LRRTM4: variants seen among roughly 807,000 people sequenced by gnomAD.
The protein encoded by LRRTM4 is leucine-rich repeat transmembrane neuronal protein 4.
LRRTM4 carries 25 observed loss-of-function variants against 47.6 expected under a neutral mutation model. That is an observed-to-expected ratio of 0.53 (90% CI 0.38 to 0.73). LRRTM4 has a LOEUF of 0.73. LRRTM4 is among the 30% of genes least tolerant of loss of function. The pLI is 0.00. For synonymous variants in LRRTM4, 311 were observed against 269.5 expected (o/e 1.15, Z -1.51); for missense variants, 638 against 713.4 (o/e 0.89, Z 1.20).
chr2:76,873,639 C>T (rs889861189), intron 3 of LRRTM4, among the ~76,000 whole-genome samples: 2 of 150,666 alleles, frequency 1.3e-5, no homozygotes, highest in African/African-American at 4.9e-5. Flanking sequence ...TACTTTGCCC[C>T]ATCTTTAAAT....
chr2:76,988,136 T>C (rs1186902424), intron 3 of LRRTM4, among the ~76,000 whole-genome samples: 5 of 151,852 alleles, frequency 3.3e-5, no homozygotes, highest in Non-Finnish European at 7.4e-5. Flanking sequence ...TAATCATTAC[T>C]ATGGGTTTTC....
intron 3 of LRRTM4, among the ~76,000 whole-genome samples, chr2:77,132,568 G>C (rs1389865706): frequency 1.3e-5 from 2 of 152,188 alleles, no homozygotes; most frequent in Non-Finnish European, 2.9e-5. Context: ...GTTTGGTGAG[G>C]ACCCAGTCTC....
intron 3 of LRRTM4, among the ~76,000 whole-genome samples, chr2:77,344,004 A>G (rs527661792): frequency 6.6e-6 from 1 of 152,016 alleles, no homozygotes; most frequent in South Asian, 2.1e-4. Flanking sequence ...GGCTTTAAAG[A>G]GAATAAAAGA....
intron 3 of LRRTM4, among the ~76,000 whole-genome samples, chr2:77,504,703 CAAG>C (rs1678701962): frequency 6.6e-6 from 1 of 151,508 alleles, no homozygotes; most frequent in South Asian, 2.1e-4. Flanking sequence ...AATACAGACT[CAAG>C]GAGCTGACAT....
intron 3 of LRRTM4, among the ~76,000 whole-genome samples, chr2:77,294,166 AT>A (rs1676906567): frequency 6.6e-6 from 1 of 151,858 alleles, no homozygotes; most frequent in South Asian, 2.1e-4. Context: ...TGTTTTTTGG[AT>A]TTTTATTAAA....
intron 3 of LRRTM4, among the ~76,000 whole-genome samples, chr2:77,437,339 G>T (rs1675643068): frequency 6.6e-6 from 1 of 152,028 alleles, no homozygotes; most frequent in African/African-American, 2.4e-5. Context: ...ATTATACAGA[G>T]ATTCAACCCT....
At chr2:77,474,310 C>T (rs1450345288) in intron 3 of LRRTM4, among the ~76,000 whole-genome samples, 1 of 152,004 alleles carries the variant, frequency 6.6e-6, no homozygotes, top group African/African-American at 2.4e-5. Context: ...AGGCGTCTGT[C>T]TGGGGCTGTC....
chr2:77,406,072 T>C (rs531736823), intron 3 of LRRTM4, among the ~76,000 whole-genome samples: 2 of 152,106 alleles, frequency 1.3e-5, no homozygotes, highest in African/African-American at 2.4e-5. Context: ...GTCAAACCAA[T>C]ATCCTCAGTC....
intron 3 of LRRTM4, among the ~76,000 whole-genome samples, chr2:77,192,349 A>G (rs972692309): frequency 3.3e-5 from 5 of 151,944 alleles, no homozygotes; most frequent in Non-Finnish European, 5.9e-5. Context: ...TTATTTTTGA[A>G]TTTTACCATA....
intron 3 of LRRTM4, among the ~76,000 whole-genome samples, chr2:77,381,822 A>G (rs1158320745): frequency 8.6e-5 from 13 of 152,044 alleles, no homozygotes; most frequent in Non-Finnish European, 2.9e-5. Context: ...AAAGTATATG[A>G]CACTAATCTT....
intron 3 of LRRTM4, among the ~76,000 whole-genome samples, chr2:76,839,285 C>T (rs772487344): frequency 6.6e-6 from 1 of 152,056 alleles, no homozygotes; most frequent in Non-Finnish European, 1.5e-5. Context: ...GCTCTGAAAG[C>T]ACCAACACAA....
intron 3 of LRRTM4, among the ~76,000 whole-genome samples, chr2:77,031,716 G>C (rs1277308358): frequency 7.0e-6 from 1 of 142,040 alleles, no homozygotes; most frequent in Admixed American, 7.0e-5. Flanking sequence ...AACACCATGT[G>C]ATCTCTAACT....
intron 3 of LRRTM4, among the ~76,000 whole-genome samples, chr2:77,230,694 C>G (rs1049765731): frequency 4.6e-5 from 7 of 152,078 alleles, no homozygotes; most frequent in African/African-American, 1.7e-4. Flanking sequence ...GAATAAAGCA[C>G]ATAACTCACT....
intron 3 of LRRTM4, among the ~76,000 whole-genome samples, chr2:77,092,486 A>T (rs536298874): frequency 7.0e-6 from 1 of 143,132 alleles, no homozygotes; most frequent in Non-Finnish European, 1.5e-5. Flanking sequence ...TCCTCAAGGA[A>T]ATAACTTCTC....
intron 3 of LRRTM4, among the ~76,000 whole-genome samples, chr2:77,160,752 C>T (rs1672704068): frequency 6.6e-6 from 1 of 152,126 alleles, no homozygotes; most frequent in Non-Finnish European, 1.5e-5. Context: ...TGCCTTAAAT[C>T]CTGGTGCTTG....
At chr2:76,967,514 T>C (rs1484348246) in intron 3 of LRRTM4, among the ~76,000 whole-genome samples, 1 of 151,466 alleles carries the variant, frequency 6.6e-6, no homozygotes, top group Admixed American at 6.6e-5. Flanking sequence ...TGTTGAAATG[T>C]GGGTTTGGGG....
intron 3 of LRRTM4, among the ~76,000 whole-genome samples, chr2:77,024,180 C>T (rs1678370225): frequency 6.6e-6 from 1 of 152,114 alleles, no homozygotes; most frequent in South Asian, 2.1e-4. Flanking sequence ...CCCACTGGTC[C>T]CTCCCACAAC....
At chr2:76,804,899 T>C (rs547888511) in intron 3 of LRRTM4, among the ~76,000 whole-genome samples, 12 of 151,980 alleles carry the variant, frequency 7.9e-5, no homozygotes, top group African/African-American at 2.9e-4. Flanking sequence ...TTTAGGTGAA[T>C]ATAGAAAATC....
chr2:76,990,198 A>T (rs1235177093), intron 3 of LRRTM4, among the ~76,000 whole-genome samples: 2 of 151,820 alleles, frequency 1.3e-5, no homozygotes, highest in African/African-American at 2.4e-5. Flanking sequence ...TCCACCTATG[A>T]AAAAGTAGAC....
Sources: allele counts gnomAD v4.1 joint callset (sites outside exome capture counted in the v4.1 genomes callset), GRCh38; gene constraint gnomAD v4.1.1; transcripts MANE v1.5; gene names NCBI Gene and HGNC (gene_info 2026-07-23, HGNC 2026-07-21).